BSN: variants seen among roughly 807,000 people sequenced by gnomAD.
The protein encoded by BSN is bassoon presynaptic cytomatrix protein.
A neutral mutation model predicts 264.8 loss-of-function variants in BSN; 57 were observed. The ratio of observed to expected loss-of-function variants is 0.22; its 90% CI spans 0.17 to 0.27. The LOEUF (loss-of-function observed/expected upper bound fraction) is 0.27. Among genes scored for constraint, BSN ranks in the 10% least tolerant of loss-of-function variants. BSN has a pLI of 1.00. For synonymous variants in BSN, 2,059 were observed against 2,137.3 expected (o/e 0.96, Z 1.01); for missense variants, 4,615 against 5,232.5 (o/e 0.88, Z 3.64).
chr3:49,605,948 T>G (rs1382572733), intron 1 of BSN, among the ~76,000 whole-genome samples: 293 of 64,820 alleles, frequency 4.5e-3, no homozygotes, highest in Middle Eastern at 0.017. Flanking sequence ...TATATAAATA[T>G]ATATAAATAT....
At chr3:49,664,763 A>G in intron 9 of BSN, 36 bp from the exon 10 acceptor site, 2 of 1,613,332 alleles carry the variant, frequency 1.2e-6, no homozygotes, top group South Asian at 2.2e-5. Flanking sequence ...GTCTGGCCCA[A>G]TTTCCTGATG....
intron 1 of BSN, among the ~76,000 whole-genome samples, chr3:49,578,630 T>C (rs563009018): frequency 0.025 from 3,805 of 151,716 alleles, 67 homozygotes; most frequent in Middle Eastern, 0.041. Flanking sequence ...GTGGTCTCAA[T>C]CTCCTGATCT....
At position 49,657,409 on chromosome 3, in the gene BSN, A is replaced by G. The variant is rs1224478069; in HGVS notation, c.7853A>G (p.Asp2618Gly). Residue 2618 changes from aspartate to glycine, a missense_variant, in exon 5 of 12, where the codon GAC (aspartate) becomes GGC (glycine). By Grantham distance (94) the Asp-to-Gly change is moderately conservative. Around this residue, in one of 3 missense-constraint regions of BSN, gnomAD observed 3,415 missense variants for 3,866.4 expected, o/e 0.88. Transcript: ENST00000296452. ...ADCSVQTDDE[D>G]SAEWEQPVRR... is the part of the protein sequence containing the mutation. ...TGCAGTGTGCAGACGGACGACGAAG[A>G]CAGTGCTGAGTGGGAGCAGCCAGTG... is the stretch of plus-strand genomic sequence containing the variant. 4.3e-6 allele frequency: 7 copies of G among 1,613,056 alleles called. No individual in the cohort carries two copies. The highest frequency in any genetic ancestry group is 1.3e-5 in the African/African-American group (1 of 74,926).
Position 49,654,370 on chromosome 3 carries a change from T to C in BSN, c.4814T>C (p.Leu1605Pro). The C allele has an allele frequency of 1.9e-6, 3 of 1,610,032 alleles. No individual in the cohort carries two copies. The highest frequency in any genetic ancestry group is 2.5e-6 in the Non-Finnish European group (3 of 1,178,540). Residue 1605 changes from leucine (L) to proline (P), a missense_variant, in exon 5 of 12, where the codon CTG becomes CCG. By Grantham distance (98) the Leu-to-Pro change is moderately conservative. This residue lies in a region of BSN where 3,415 missense variants were observed against 3,866.4 expected (regional missense o/e 0.88). Transcript: ENST00000296452. This position sits in a 1 kb window ranked among gnomAD's most constrained non-coding sequence, Gnocchi z 4.1. Reference protein sequence around the residue: ...SQTTPPSVSQLPPEPPGPPGF... With the variant: ...SQTTPPSVSQPPPEPPGPPGF... ...ACAACACCTCCGAGTGTGTCTCAGCTGCCCCCAGAGCCACCTGGGCCACCT... is the reference window on the plus strand; with the variant it reads ...ACAACACCTCCGAGTGTGTCTCAGCCGCCCCCAGAGCCACCTGGGCCACCT...
rs969388841 is a variant in BSN, at chr3:49,625,950, C to G, written c.633+567C>G. ...TGAGGTGGTGGGGCAGCTACCCCAT[C>G]CCTAAAGAAATGACCTTGGGGTAAA... On this transcript the variant is annotated intron_variant, in intron 2 of 11. Transcript: ENST00000296452. This position sits in a 1 kb window ranked among gnomAD's most constrained non-coding sequence, Gnocchi z 4.4. Among the ~76,000 whole-genome samples, 1 of 152,200 alleles carries G rather than the reference C, an allele frequency of 6.6e-6. No individual in the cohort carries two copies.
intron 2 of BSN, among the ~76,000 whole-genome samples, chr3:49,629,548 C>T (rs2052369358): frequency 6.6e-6 from 1 of 152,260 alleles, no homozygotes; most frequent in African/African-American, 2.4e-5. Context: ...CCACTCAGAG[C>T]AGCCCCAGAA....
At position 49,667,705 on chromosome 3, in the gene BSN, T is replaced by C. The variant is rs766044913; in HGVS notation, c.*220T>C. 1 of 152,674 alleles carries C rather than the reference T, an allele frequency of 6.5e-6. No homozygotes were observed. The highest frequency in any genetic ancestry group is 1.5e-5 in the Non-Finnish European group (1 of 68,058). The allele number at this position is 152,674 out of a possible 1,614,324, so 9.5% of individuals were successfully genotyped here. On this transcript the variant is annotated 3_prime_UTR_variant, in exon 12 of 12. Coordinates refer to ENST00000296452, the MANE Select transcript of BSN (RefSeq NM_003458.4). ...GCAGCTGCCTGGGTGAAGCATCTGC[T>C]GGACAAGTCGGACCACTGGCCAGGG...
rs1190706716 is a variant in BSN at position 49,657,832 on chromosome 3, A to G, written c.8276A>G (p.Glu2759Gly). The G allele has an allele frequency of 6.8e-6, 11 of 1,607,192 alleles. No homozygotes were observed. The East Asian group carries it at 2.5e-4, about 36-fold the overall frequency. The change falls in exon 5 of 12, where the codon GAA becomes GGA. Residue 2759 changes from glutamate (E) to glycine (G), a missense_variant. Transcript: ENST00000296452. ...IVTPGPLGRF[E>G]KKKPDPLEIG... is the part of the protein sequence containing the mutation. ...ACCCCAGGGCCTCTGGGCAGATTTGAAAAAAAGAAGCCAGATCCCCTGGAG... is the reference window on the plus strand; with the variant it reads ...ACCCCAGGGCCTCTGGGCAGATTTGGAAAAAAGAAGCCAGATCCCCTGGAG...
At position 49,662,660 on chromosome 3, in the gene BSN, G is replaced by A. The variant is rs920561650; in HGVS notation, c.10717+98G>A. On this transcript the variant is annotated intron_variant, in intron 6 of 11. Coordinates refer to ENST00000296452, the MANE Select transcript of BSN (RefSeq NM_003458.4). ...CCCTAAGATGTCCCAGCAGGGTCTGGTCTGGCGCCTCATCTGGTGGGCCCT... is the reference window on the plus strand; with the variant it reads ...CCCTAAGATGTCCCAGCAGGGTCTGATCTGGCGCCTCATCTGGTGGGCCCT... 24 of 1,501,124 alleles carry A rather than the reference G, an allele frequency of 1.6e-5. No homozygotes were observed. The African/African-American group carries it at 1.8e-4, about 11-fold the overall frequency. 93.0% of individuals were successfully genotyped at this position (1,501,124 alleles called of 1,614,324 possible).
chr3:49,658,789 A>G (rs1319947236), intron 5 of BSN, among the ~76,000 whole-genome samples: 1 of 152,016 alleles, frequency 6.6e-6, no homozygotes, highest in Non-Finnish European at 1.5e-5. Context: ...CTGCTCCCCT[A>G]GATAGGGGAT....
At chr3:49,571,159 G>C (rs1349508293) in intron 1 of BSN, among the ~76,000 whole-genome samples, 3 of 152,128 alleles carry the variant, frequency 2.0e-5, no homozygotes, top group Non-Finnish European at 4.4e-5. Context: ...AAAATACACT[G>C]TGCTTTTTTT....
intron 1 of BSN, among the ~76,000 whole-genome samples, chr3:49,570,367 C>A (rs1472064624): frequency 6.6e-6 from 1 of 152,182 alleles, no homozygotes. Flanking sequence ...TGCCACTTTG[C>A]CTGCCTCCAC....
chr3:49,559,691 T>C (rs1281870873), intron 1 of BSN, among the ~76,000 whole-genome samples: 2 of 152,256 alleles, frequency 1.3e-5, no homozygotes. Flanking sequence ...CCTTGCAGTT[T>C]ATTATTAGAG....
Position 49,654,765 on chromosome 3 carries a change from G to T in BSN, c.5209G>T (p.Ala1737Ser). Reference protein sequence around the residue: ...ATATTVSITMASSVFMAQQKQ... With the variant: ...ATATTVSITMSSSVFMAQQKQ... The stretch of plus-strand genomic sequence containing the variant: ...TGCCACCACCGTGAGCATCACCATG[G>T]CCTCGTCTGTGTTCATGGCTCAACA... The change falls in exon 5 of 12, where the codon GCC becomes TCC. Residue 1737 changes from alanine to serine, a missense_variant. Ala to Ser is a moderately conservative substitution (Grantham distance 99, BLOSUM62 1). Coordinates refer to ENST00000296452, the MANE Select transcript of BSN (RefSeq NM_003458.4). The surrounding 1 kb of genome is among the most constrained non-coding windows in gnomAD (Gnocchi z 4.1). 2.5e-6 allele frequency: 4 copies of T among 1,613,662 alleles called. No homozygotes were observed. The highest frequency in any genetic ancestry group is 3.4e-6 in the Non-Finnish European group (4 of 1,180,000).
chr3:49,651,041 A>C lies in BSN; in HGVS notation c.1948A>C (p.Lys650Gln). 1 of 1,613,226 alleles carries C rather than the reference A, an allele frequency of 6.2e-7. No individual in the cohort carries two copies. The highest frequency in any genetic ancestry group is 1.1e-5 in the South Asian group (1 of 91,036). ...GGCTGAACCTGCCACCCCTGTCGTC[A>C]AGGCTGTTCCAGAAGCCCCCAAGGG... ...RRAEPATPVVKAVPEAPKGGE... is the reference protein window; with the variant it reads ...RRAEPATPVVQAVPEAPKGGE... The change falls in exon 4 of 12, where the codon AAG becomes CAG. Residue 650 changes from lysine (K) to glutamine (Q), a missense_variant. By Grantham distance (53) the Lys-to-Gln change is moderately conservative. This residue lies in a region of BSN where 1,197 missense variants were observed against 1,348.0 expected (regional missense o/e 0.89). Transcript: ENST00000296452. The surrounding 1 kb of genome is among the most constrained non-coding windows in gnomAD (Gnocchi z 5.4).
intron 1 of BSN, among the ~76,000 whole-genome samples, chr3:49,581,601 G>C (rs560304160): frequency 6.6e-6 from 1 of 152,036 alleles, no homozygotes; most frequent in African/African-American, 2.4e-5. Flanking sequence ...CGAGGTGGGC[G>C]GATCACAAAG....
chr3:49,654,435 C>T lies in BSN; in HGVS notation c.4879C>T (p.Leu1627=), dbSNP rs539807196. 1 of 1,601,700 alleles carries T rather than the reference C, an allele frequency of 6.2e-7. No homozygotes were observed. Among genetic ancestry groups the T allele is most frequent in the Non-Finnish European group, 8.5e-7 (1 of 1,174,666 alleles). The change falls in exon 5 of 12, where the codon CTG becomes TTG. Residue 1627 remains leucine (L), a synonymous_variant. Transcript: ENST00000296452. The surrounding 1 kb of genome is among the most constrained non-coding windows in gnomAD (Gnocchi z 4.1). ...RVPSAGADGP[L]ALYGWGALPA... ...GCCCAGTGCTGGTGCAGATGGGCCC[C>T]TGGCACTATATGGCTGGGGTGCCCT...
intron 2 of BSN, chr3:49,641,770 C>CT (rs1406848064): frequency 1.3e-5 from 2 of 152,856 alleles, no homozygotes; most frequent in African/African-American, 4.8e-5. Flanking sequence ...TTACTCTTCA[C>CT]TTATTTATTC....
rs1463817944 is a variant in BSN at position 49,651,415 on chromosome 3, T to C, written c.1987-128T>C. 2.0e-6 allele frequency: 2 copies of C among 1,018,518 alleles called. No individual in the cohort carries two copies. Among genetic ancestry groups the C allele is most frequent in the Non-Finnish European group, 2.8e-6 (2 of 705,980 alleles). 63.1% of individuals were successfully genotyped at this position (1,018,518 alleles called of 1,614,324 possible). A position where few individuals can be genotyped will look rare whatever the true frequency, so the allele number is the denominator to read the frequency against. ...CAAGGCCAGAAGGAGATAGGGTGGG[T>C]GGCGGGCCCTAAACCCTTGGGAAAT... On this transcript the variant is annotated intron_variant, in intron 4 of 11. Transcript: ENST00000296452. This position sits in a 1 kb window ranked among gnomAD's most constrained non-coding sequence, Gnocchi z 5.4.
Sources: gnomAD v4.1 joint callset for allele counts (sites outside exome capture counted in the v4.1 genomes callset) on GRCh38, gnomAD v4.1.1 for gene constraint, gnomAD v4.1.1 regional missense constraint, Gnocchi (gnomAD v3.1) non-coding constraint, MANE v1.5 for transcripts, NCBI Gene and HGNC (gene_info 2026-07-23, HGNC 2026-07-21) for gene names.